The following RTN4 variants were observed in gnomAD, a reference collection of about 807,000 sequenced individuals.
The protein encoded by RTN4 is reticulon 4, also known as reticulon-4.
Under a neutral mutation model 90.4 loss-of-function variants are expected in RTN4, and 32 were observed. The ratio of observed to expected loss-of-function variants is 0.35; its 90% CI spans 0.27 to 0.48. The LOEUF is 0.48. RTN4 is among the 20% of genes least tolerant of loss of function. The pLI, the probability that RTN4 is intolerant of heterozygous loss-of-function variation, is 0.99. For synonymous variants in RTN4, 629 were observed against 552.5 expected (o/e 1.14, Z -1.94); for missense variants, 1,706 against 1,430.2 (o/e 1.19, Z -3.11).
At chr2:55,031,952 A>C (rs750651033) in intron 1 of RTN4, among the ~76,000 whole-genome samples, 49 of 152,262 alleles carry the variant, frequency 3.2e-4, no homozygotes, top group Admixed American at 1.2e-3. Context: ...GCCAGAACAA[A>C]GTTAAAACCA....
chr2:55,113,435 C>T (rs943185452), upstream of RTN4, among the ~76,000 whole-genome samples: 2 of 152,214 alleles, frequency 1.3e-5, no homozygotes, highest in African/African-American at 4.8e-5. Flanking sequence ...ACCTCCCACT[C>T]ATTTAGCATC....
chr2:55,064,673 T>C (rs772002429), intron 2 of RTN4, among the ~76,000 whole-genome samples: 3 of 152,120 alleles, frequency 2.0e-5, no homozygotes, highest in African/African-American at 4.8e-5. Flanking sequence ...CTTAAATCAT[T>C]AAAGAATATG....
At chr2:55,125,552 G>A in the RTN4 span, among the ~76,000 whole-genome samples, 1 of 152,226 alleles carries the variant, frequency 6.6e-6, no homozygotes. Context: ...GATGACTTGA[G>A]GTTATGAGTT....
At position 54,972,956 on chromosome 2, in the gene RTN4, C is replaced by A. The variant is rs1418816805; in HGVS notation, c.*200G>T. 1.1e-5 allele frequency: 5 copies of A among 472,302 alleles called. No homozygotes were observed. Among genetic ancestry groups the A allele is most frequent in the Non-Finnish European group, 1.5e-5 (4 of 262,146 alleles). 29.3% of individuals were successfully genotyped at this position (472,302 alleles called of 1,614,324 possible). A position where few individuals can be genotyped will look rare whatever the true frequency, so the allele number is the denominator to read the frequency against. On this transcript the variant is annotated 3_prime_UTR_variant, in exon 9 of 9. Coordinates refer to ENST00000337526, the MANE Select transcript of RTN4 (RefSeq NM_020532.5). ...GTTTAAATCCATACATAGCAGCTTA[C>A]AATACTTAAGATGATGAACACATGG...
chr2:55,098,503 C>G (rs7595814), intron 1 of RTN4, among the ~76,000 whole-genome samples: 8,132 of 152,108 alleles, frequency 0.053, 291 homozygotes, highest in East Asian at 0.096. Context: ...AACTCCATTG[C>G]ATATTATTTT....
intron 2 of RTN4, among the ~76,000 whole-genome samples, chr2:55,062,511 C>A (rs747777742): frequency 1.3e-5 from 2 of 152,228 alleles, no homozygotes; most frequent in African/African-American, 4.8e-5. Flanking sequence ...ACTCCTATCG[C>A]ATGCCCTGAG....
chr2:55,032,221 A>C (rs1269466731), intron 1 of RTN4, among the ~76,000 whole-genome samples: 1 of 151,952 alleles, frequency 6.6e-6, no homozygotes, highest in East Asian at 1.9e-4. Flanking sequence ...CTGGGATTAC[A>C]GGTGTCTGCC....
At chr2:55,053,561 C>T (rs1279849076), upstream of RTN4, among the ~76,000 whole-genome samples, 2 of 151,916 alleles carry the variant, frequency 1.3e-5, no homozygotes, top group African/African-American at 4.8e-5. Context: ...TGGTGCACAC[C>T]TGTAACCCCA....
At chr2:55,121,103 C>G in the RTN4 span, among the ~76,000 whole-genome samples, 3 of 152,246 alleles carry the variant, frequency 2.0e-5, no homozygotes, top group Admixed American at 2.0e-4. Flanking sequence ...ACAACAGCAA[C>G]AGCTCTATGT....
At chr2:55,137,251 G>A in the RTN4 span, among the ~76,000 whole-genome samples, 17 of 152,204 alleles carry the variant, frequency 1.1e-4, no homozygotes, top group Non-Finnish European at 2.2e-4. Flanking sequence ...CCAGGAACTG[G>A]AGACTAAGAG....
At chr2:55,012,043 A>G (rs1478563281) in intron 3 of RTN4, among the ~76,000 whole-genome samples, 1 of 152,230 alleles carries the variant, frequency 6.6e-6, no homozygotes, top group Non-Finnish European at 1.5e-5. Flanking sequence ...CAAGTCCCTT[A>G]AAACTGAAAG....
At chr2:55,119,486 TTAGA>T in the RTN4 span, among the ~76,000 whole-genome samples, 6 of 152,212 alleles carry the variant, frequency 3.9e-5, no homozygotes, top group African/African-American at 1.4e-4. Context: ...GCTTCATCCC[TTAGA>T]TAGGGGACAC....
At chr2:55,115,739 T>C (rs1025325904), upstream of RTN4, among the ~76,000 whole-genome samples, 9 of 152,206 alleles carry the variant, frequency 5.9e-5, no homozygotes, top group African/African-American at 2.2e-4. Context: ...TTTCTGTACA[T>C]TGCTTCTCCT....
intron 2 of RTN4, among the ~76,000 whole-genome samples, chr2:55,060,033 G>A (rs1040664199): frequency 3.9e-5 from 6 of 152,076 alleles, no homozygotes; most frequent in African/African-American, 1.2e-4. Flanking sequence ...CTGGAATGTC[G>A]CTGGCTAATG....
chr2:55,079,621 G>T (rs920744209), intron 2 of RTN4, among the ~76,000 whole-genome samples: 20 of 152,280 alleles, frequency 1.3e-4, no homozygotes, highest in Admixed American at 5.2e-4. Flanking sequence ...AATGTTGTCA[G>T]TTCAGAGTGT....
chr2:55,032,880 T>G (rs894607208), intron 1 of RTN4, among the ~76,000 whole-genome samples: 1 of 151,718 alleles, frequency 6.6e-6, no homozygotes, highest in African/African-American at 2.4e-5. Context: ...AACTTAAAAA[T>G]TAGCCGGTGT....
At chr2:54,992,014 T>C (rs547802830) in intron 3 of RTN4, among the ~76,000 whole-genome samples, 4 of 152,326 alleles carry the variant, frequency 2.6e-5, no homozygotes, top group Non-Finnish European at 4.4e-5. Context: ...CAGTAGCCTA[T>C]ACAACATTAT....
At chr2:55,066,090 C>A (rs1205703575) in intron 2 of RTN4, among the ~76,000 whole-genome samples, 1 of 151,900 alleles carries the variant, frequency 6.6e-6, no homozygotes, top group Non-Finnish European at 1.5e-5. Context: ...AATAGAACTA[C>A]ATGAATTGGA....
intron 2 of RTN4, among the ~76,000 whole-genome samples, chr2:55,065,525 AT>A (rs1177581609): frequency 6.6e-6 from 1 of 152,020 alleles, no homozygotes; most frequent in Non-Finnish European, 1.5e-5. Context: ...TAAAAAAAAA[AT>A]TTTTCATCAA....
Sources: gnomAD v4.1 joint callset for allele counts (sites outside exome capture counted in the v4.1 genomes callset) on GRCh38, gnomAD v4.1.1 for gene constraint, MANE v1.5 for transcripts, NCBI Gene and HGNC (gene_info 2026-07-23, HGNC 2026-07-21) for gene names.